The following LEPR variants were observed in gnomAD, a reference collection of about 807,000 sequenced individuals.
The protein encoded by LEPR is leptin receptor.
Under a neutral mutation model 114.7 loss-of-function variants are expected in LEPR, and 56 were observed. The ratio of observed to expected loss-of-function variants is 0.49; its 90% CI spans 0.39 to 0.61. LEPR has a LOEUF of 0.61. Ranked by LOEUF, LEPR falls within the 20% of genes least tolerant of loss-of-function variation. The pLI is 0.00. For synonymous variants in LEPR, 443 were observed against 461.4 expected, an observed-to-expected ratio of 0.96 and a Z score of 0.51; for missense variants, 1,202 against 1,352.9, an observed-to-expected ratio of 0.89 and a Z score of 1.75.
chr1:65,525,584 G>A, intron 2 of LEPR: 1 of 972,670 alleles, frequency 1.0e-6, no homozygotes, highest in Non-Finnish European at 1.2e-6. Context: ...CACGCGGGCG[G>A]CCACCCGACT....
At chr1:65,487,846 G>A (rs1331260963) in intron 2 of LEPR, among the ~76,000 whole-genome samples, 1 of 151,728 alleles carries the variant, frequency 6.6e-6, no homozygotes, top group Non-Finnish European at 1.5e-5. Flanking sequence ...TTATTTCTTT[G>A]TGTTAGGAAC....
At chr1:65,599,436 T>C (rs542834067) in intron 8 of LEPR, among the ~76,000 whole-genome samples, 2 of 152,288 alleles carry the variant, frequency 1.3e-5, no homozygotes, top group South Asian at 4.1e-4. Context: ...ATTTTTCTTG[T>C]TCAGACTTAC....
intron 2 of LEPR, among the ~76,000 whole-genome samples, chr1:65,488,089 T>G (rs991416008): frequency 1.1e-4 from 16 of 144,438 alleles, no homozygotes; most frequent in African/African-American, 3.9e-4. Flanking sequence ...CTCTCTTCCT[T>G]TCTTTCCTTC....
At chr1:65,488,159 C>CCTTTCTTTCTTT (rs71058410) in intron 2 of LEPR, among the ~76,000 whole-genome samples, 34 of 65,476 alleles carry the variant, frequency 5.2e-4, no homozygotes, top group African/African-American at 7.8e-4. Flanking sequence ...TTCCTTCCTT[C>CCTTTCTTTCTTT]CTTTCTTTCT....
intron 2 of LEPR, among the ~76,000 whole-genome samples, chr1:65,512,957 G>T (rs1461960171): frequency 6.6e-6 from 1 of 152,142 alleles, no homozygotes; most frequent in Non-Finnish European, 1.5e-5. Flanking sequence ...AGAGAACCTG[G>T]CTACTAGCAG....
intron 2 of LEPR, among the ~76,000 whole-genome samples, chr1:65,472,097 T>C (rs1239396339): frequency 6.6e-6 from 1 of 152,180 alleles, no homozygotes. Context: ...CCTTTGTGAA[T>C]AAATACTATG....
At chr1:65,554,730 G>A (rs953582454) in intron 2 of LEPR, among the ~76,000 whole-genome samples, 10 of 151,954 alleles carry the variant, frequency 6.6e-5, no homozygotes, top group Non-Finnish European at 1.5e-4. Flanking sequence ...TGTCTGTCTT[G>A]CTGGCATTCC....
chr1:65,616,298 T>C, intron 15 of LEPR, 74 bp downstream of exon 15: 1 of 1,468,628 alleles, frequency 6.8e-7, no homozygotes. Context: ...CTATTTTAAA[T>C]TATCTTTCAA....
At chr1:65,423,490 G>C (rs1005598011) in intron 1 of LEPR, among the ~76,000 whole-genome samples, 7 of 152,158 alleles carry the variant, frequency 4.6e-5, no homozygotes, top group Non-Finnish European at 1.0e-4. Context: ...CATGGAGGAG[G>C]GGGTACTGCC....
intron 2 of LEPR, among the ~76,000 whole-genome samples, chr1:65,538,533 G>A (rs571309876): frequency 6.6e-6 from 1 of 152,110 alleles, no homozygotes; most frequent in South Asian, 2.1e-4. Context: ...TATAAATTTT[G>A]TAAGCCATTA....
At chr1:65,449,387 T>G (rs1264033755) in intron 2 of LEPR, among the ~76,000 whole-genome samples, 1 of 151,646 alleles carries the variant, frequency 6.6e-6, no homozygotes, top group African/African-American at 2.4e-5. Context: ...GGGCTAAGCC[T>G]CAGGTGGGTC....
At chr1:65,583,515 G>C (rs962181359) in intron 5 of LEPR, among the ~76,000 whole-genome samples, 1 of 152,074 alleles carries the variant, frequency 6.6e-6, no homozygotes, top group Non-Finnish European at 1.5e-5. Context: ...TACTTTAAAG[G>C]TGGGGCCAAA....
chr1:65,548,474 T>C (rs1038873456), intron 2 of LEPR, among the ~76,000 whole-genome samples: 6 of 152,154 alleles, frequency 3.9e-5, no homozygotes, highest in Admixed American at 2.6e-4. Flanking sequence ...AGGACTTGCT[T>C]TATGAATCTG....
At chr1:65,494,314 G>A (rs752549003) in intron 2 of LEPR, 12 of 152,028 alleles carry the variant, frequency 7.9e-5, no homozygotes, top group Non-Finnish European at 1.5e-4. Flanking sequence ...TACTAATAAT[G>A]TGTCCCTTTA....
At chr1:65,540,049 T>C (rs545874422) in intron 2 of LEPR, among the ~76,000 whole-genome samples, 44 of 152,176 alleles carry the variant, frequency 2.9e-4, no homozygotes, top group Non-Finnish European at 4.4e-4. Context: ...TGTTAGTCAC[T>C]CTCCTGACAG....
chr1:65,467,220 G>A (rs534155445), intron 2 of LEPR, among the ~76,000 whole-genome samples: 1 of 152,130 alleles, frequency 6.6e-6, no homozygotes. Flanking sequence ...TTTTGGTGTA[G>A]CTGTCCTTTT....
chr1:65,461,925 G>T (rs1183329605), intron 2 of LEPR, among the ~76,000 whole-genome samples: 1 of 152,132 alleles, frequency 6.6e-6, no homozygotes, highest in South Asian at 2.1e-4. Context: ...GCATCTCCCA[G>T]TTGAAGGGCC....
At chr1:65,424,644 G>A (rs1462908157) in intron 1 of LEPR, among the ~76,000 whole-genome samples, 1 of 152,192 alleles carries the variant, frequency 6.6e-6, no homozygotes, top group Non-Finnish European at 1.5e-5. Flanking sequence ...CAAACATTTA[G>A]TTTCCACAGT....
At chr1:65,596,401 T>C (rs1656065651) in intron 6 of LEPR, 47 bp from the exon 7 acceptor site, 3 of 1,604,518 alleles carry the variant, frequency 1.9e-6, no homozygotes, top group African/African-American at 1.3e-5. Flanking sequence ...GCTATAATTG[T>C]CATGAAAATT....
Sources: gnomAD v4.1 joint callset for allele counts (sites outside exome capture counted in the v4.1 genomes callset) on GRCh38, gnomAD v4.1.1 for gene constraint, MANE v1.5 for transcripts, NCBI Gene and HGNC (gene_info 2026-07-23, HGNC 2026-07-21) for gene names.